Variants in ZNF18 observed in about 807,000 individuals in gnomAD.
ZNF18 encodes the protein zinc finger protein 18.
Under a neutral mutation model 58.1 loss-of-function variants are expected in ZNF18, and 42 were observed. The observed-to-expected ratio is 0.72, with a 90% CI of 0.56 to 0.93. The LOEUF (loss-of-function observed/expected upper bound fraction) is 0.93. ZNF18 is among the 40% of genes least tolerant of loss of function. The pLI is 0.00. For missense variants in ZNF18, 540 were observed against 644.2 expected, an observed-to-expected ratio of 0.84 and a Z score of 1.75; for synonymous variants, 231 against 239.8, an observed-to-expected ratio of 0.96 and a Z score of 0.34.
chr17:12,015,329 G>A, the ZNF18 span, among the ~76,000 whole-genome samples: 1 of 152,060 alleles, frequency 6.6e-6, no homozygotes, highest in Admixed American at 6.5e-5. Flanking sequence ...CCCTTTCTTG[G>A]CTACGCCCTA....
rs1325552027 is a variant in ZNF18 at position 11,978,604 on chromosome 17, C to G, written c.1003G>C (p.Gly335Arg). Residue 335 changes from glycine (G) to arginine (R), a missense_variant, in exon 7 of 7, where the codon GGA becomes CGA. Gly to Arg is a moderately radical substitution (Grantham distance 125). Coordinates refer to ENST00000580306, the MANE Select transcript of ZNF18 (RefSeq NM_001303281.2). The part of the protein sequence containing the change: ...LRGFFTEDEP[G>R]CFGEGENLPE... ...AGATTCTCTCCTTCTCCAAAGCATC[C>G]TGGCTCATCCTCAGTGAAGAAGCCC... The G allele has an allele frequency of 6.2e-7, 1 of 1,614,086 alleles. No individual in the cohort carries two copies. Among genetic ancestry groups the G allele is most frequent in the Non-Finnish European group, 8.5e-7 (1 of 1,180,024 alleles).
intron 1 of ZNF18, chr17:11,997,189 G>C (rs1968523841): frequency 6.6e-6 from 1 of 152,480 alleles, no homozygotes; most frequent in South Asian, 2.1e-4. Flanking sequence ...GCGCAGAGGC[G>C]CAGGAATGCA....
chr17:11,993,862 GACTA>G (rs901764694), intron 1 of ZNF18, among the ~76,000 whole-genome samples: 1 of 133,606 alleles, frequency 7.5e-6, no homozygotes, highest in Non-Finnish European at 1.6e-5. Flanking sequence ...GGGTTGAGAA[GACTA>G]ACTACCTTGA....
chr17:11,999,760 A>C (rs1319035701), upstream of ZNF18, among the ~76,000 whole-genome samples: 1 of 152,204 alleles, frequency 6.6e-6, no homozygotes, highest in African/African-American at 2.4e-5. Flanking sequence ...AGAAAATTAC[A>C]TTGGGGTAAG....
At chr17:11,998,020 T>C (rs1236687741), upstream of ZNF18, among the ~76,000 whole-genome samples, 2 of 151,812 alleles carry the variant, frequency 1.3e-5, no homozygotes, top group Non-Finnish European at 2.9e-5. Flanking sequence ...TAGTCCAATG[T>C]GGTGCCATCC....
chr17:11,983,181 T>C, intron 6 of ZNF18, 116 bp downstream of exon 6: 1 of 704,068 alleles, frequency 1.4e-6, no homozygotes, highest in Non-Finnish European at 2.5e-6. Flanking sequence ...TGGCTAGTTA[T>C]AACCAACGTA....
In ZNF18 at chr17:11,978,840, CTTTTTTT is replaced by C. The variant is rs56969015; in HGVS notation, c.863-103_863-97del. ...AGGGTCATCATAAAACATTCATTTT[CTTTTTTT>C]TTTTTTTTTTTTTTTTTTTAGGGCA... On this transcript the variant is annotated intron_variant, in intron 6 of 6. Coordinates refer to ENST00000580306, the MANE Select transcript of ZNF18 (RefSeq NM_001303281.2). 422 of 120,532 alleles carry C rather than the reference CTTTTTTT, an allele frequency of 3.5e-3. 5 individuals carry two copies. The highest frequency in any genetic ancestry group is 0.019 in the African/African-American group (362 of 19,434). The allele number at this position is 120,532 out of a possible 1,614,324, so 7.5% of individuals were successfully genotyped here.
At chr17:11,985,545 T>C (rs1180829803) in intron 4 of ZNF18, among the ~76,000 whole-genome samples, 1 of 145,984 alleles carries the variant, frequency 6.9e-6, no homozygotes. Flanking sequence ...TATTTATCCA[T>C]TTATTAACTA....
chr17:11,988,764 C>T (rs1025905156), intron 4 of ZNF18, among the ~76,000 whole-genome samples: 1 of 150,078 alleles, frequency 6.7e-6, no homozygotes, highest in African/African-American at 2.5e-5. Flanking sequence ...AGTTCAAGAA[C>T]ATTTATAGTA....
chr17:11,978,847 T>TTTC, intron 6 of ZNF18, 103 bp from the exon 7 acceptor site: 2 of 725,814 alleles, frequency 2.8e-6, no homozygotes, highest in Non-Finnish European at 4.1e-6. Flanking sequence ...TTTCTTTTTT[T>TTTC]TTTTTTTTTT....
At chr17:11,988,857 A>T (rs1453961747) in intron 4 of ZNF18, among the ~76,000 whole-genome samples, 2 of 150,818 alleles carry the variant, frequency 1.3e-5, no homozygotes, top group Admixed American at 1.3e-4. Flanking sequence ...ACACACAAAA[A>T]TTTAAAAATT....
intron 6 of ZNF18, 110 bp downstream of exon 6, chr17:11,983,187 A>G (rs1967489040): frequency 5.4e-6 from 4 of 737,968 alleles, no homozygotes; most frequent in South Asian, 4.8e-5. Context: ...GTTATAACCA[A>G]CGTAATAGAA....
In ZNF18 at chr17:11,984,157, T is replaced by C; in HGVS notation, c.707A>G (p.Tyr236Cys). 6.2e-7 allele frequency: 1 copy of C among 1,611,952 alleles called. No homozygotes were observed. The highest frequency in any genetic ancestry group is 8.5e-7 in the Non-Finnish European group (1 of 1,179,586). ...RQLDSTQKEQ[Y>C]WDLMLETYGK... Reference sequence around the variant, plus strand: ...ATAGGTCTCCAGCATGAGATCCCAGTATTGCTCCTTTTGAGTGGAATCCAG... The same window carrying C: ...ATAGGTCTCCAGCATGAGATCCCAGCATTGCTCCTTTTGAGTGGAATCCAG... Residue 236 changes from tyrosine (Y) to cysteine (C), a missense_variant, in exon 5 of 7, where the codon TAC becomes TGC. Physicochemically the swap from Tyr to Cys is radical, Grantham distance 194. Transcript: ENST00000580306.
At position 11,979,066 on chromosome 17, in the gene ZNF18, T is replaced by TA. The variant is rs143363489; in HGVS notation, c.863-323dup. Among the ~76,000 whole-genome samples, 775 of 151,518 alleles carry TA rather than the reference T, an allele frequency of 5.1e-3. 6 individuals carry two copies. The highest frequency in any genetic ancestry group is 0.017 in the African/African-American group (723 of 41,386). ...GACCAGGAAAAAAACAAGTATATTA[T>TA]AGGCAACTACTGCTTTTAAAGTGAT... On this transcript the variant is annotated intron_variant, in intron 6 of 6. Coordinates refer to ENST00000580306, the MANE Select transcript of ZNF18 (RefSeq NM_001303281.2).
At position 11,993,010 on chromosome 17, in the gene ZNF18, T is replaced by C. The variant is rs956494914; in HGVS notation, c.-82-99A>G. ...CTACCCGAGAAGCCATGGGGTCAAC[T>C]ATGGAGCTTTTGAAATTGCTCAATG... On this transcript the variant is annotated intron_variant, in intron 1 of 6. Coordinates refer to ENST00000580306, the MANE Select transcript of ZNF18 (RefSeq NM_001303281.2). 2.1e-5 allele frequency: 14 copies of C among 679,138 alleles called. No homozygotes were observed. In the Admixed American group the frequency reaches 2.1e-4, roughly 10 times the overall value. The allele number at this position is 679,138 out of a possible 1,614,324, so 42.1% of individuals were successfully genotyped here.
chr17:11,998,751 G>C (rs1214754616), upstream of ZNF18, among the ~76,000 whole-genome samples: 2 of 151,252 alleles, frequency 1.3e-5, no homozygotes, highest in African/African-American at 4.9e-5. Context: ...GTTCTCTTAA[G>C]TCCCAGGGTC....
chr17:11,979,020 A>C (rs138390809), intron 6 of ZNF18, among the ~76,000 whole-genome samples: 277 of 151,240 alleles, frequency 1.8e-3, no homozygotes, highest in African/African-American at 6.5e-3. Context: ...TCCGTAAATA[A>C]AGCCACATGT....
chr17:11,990,787 C>G (rs1968067061), intron 3 of ZNF18, among the ~76,000 whole-genome samples, 187 bp downstream of exon 3: 1 of 152,182 alleles, frequency 6.6e-6, no homozygotes, highest in Non-Finnish European at 1.5e-5. Flanking sequence ...TGGTCTGGCC[C>G]AGTCATAAAG....
chr17:11,993,997 A>G (rs1251803415), intron 1 of ZNF18, among the ~76,000 whole-genome samples: 1 of 152,176 alleles, frequency 6.6e-6, no homozygotes, highest in Non-Finnish European at 1.5e-5. Flanking sequence ...TATTATTCTA[A>G]AAAGGATCAT....
Sources: allele counts gnomAD v4.1 joint callset (sites outside exome capture counted in the v4.1 genomes callset), GRCh38; gene constraint gnomAD v4.1.1; transcripts MANE v1.5; gene names NCBI Gene and HGNC (gene_info 2026-07-23, HGNC 2026-07-21).